The following JAK2 variants were observed in gnomAD, a reference collection of about 807,000 sequenced individuals.
JAK2 encodes the protein Janus kinase 2.
A neutral mutation model predicts 139.3 loss-of-function variants in JAK2; 86 were observed. The observed-to-expected ratio is 0.62, with a 90% CI of 0.52 to 0.74. JAK2 has a LOEUF of 0.74. Among genes scored for constraint, JAK2 ranks in the 30% least tolerant of loss-of-function variants. The pLI is 0.00. For synonymous variants in JAK2, 490 were observed against 437.7 expected (o/e 1.12, Z -1.49); for missense variants, 1,421 against 1,360.3 (o/e 1.04, Z -0.70).
At chr9:4,984,866 G>GC (rs1440925922), upstream of JAK2, 1 of 152,300 alleles carries the variant, frequency 6.6e-6, no homozygotes, top group Non-Finnish European at 1.5e-5. Context: ...CTCCAGCCGG[G>GC]CACCAGCGTT....
chr9:5,039,306 C>A (rs925066480), intron 4 of JAK2, among the ~76,000 whole-genome samples: 21 of 152,250 alleles, frequency 1.4e-4, no homozygotes, highest in African/African-American at 4.6e-4. Flanking sequence ...TGTGCTTACA[C>A]TGAACATGTA....
intron 2 of JAK2, among the ~76,000 whole-genome samples, chr9:5,018,974 A>G (rs903016563): frequency 6.6e-6 from 1 of 152,004 alleles, no homozygotes; most frequent in African/African-American, 2.4e-5. Flanking sequence ...GTTGTCTCTG[A>G]CAACAGTTCT....
intron 2 of JAK2, among the ~76,000 whole-genome samples, chr9:4,999,051 T>G (rs1424278390): frequency 1.3e-5 from 2 of 152,020 alleles, no homozygotes; most frequent in African/African-American, 4.8e-5. Flanking sequence ...GGTCTCGATC[T>G]CCTGACCTTG....
chr9:5,095,123 A>G (rs754010835), intron 22 of JAK2: 1 of 152,044 alleles, frequency 6.6e-6, no homozygotes, highest in African/African-American at 2.4e-5. Flanking sequence ...TGAGACTCCA[A>G]AATTCTCCAT....
intron 2 of JAK2, among the ~76,000 whole-genome samples, chr9:5,001,944 G>A (rs918579724): frequency 6.6e-6 from 1 of 151,838 alleles, no homozygotes; most frequent in Non-Finnish European, 1.5e-5. Context: ...AATCTAACTT[G>A]TTAAAGTCAT....
chr9:5,128,078 TTTTGTGTGTG>T lies in JAK2; in HGVS notation c.*1289_*1298del, dbSNP rs1824115545. The T allele has an allele frequency of 1.7e-5, 3 of 172,000 alleles. No homozygotes were observed. The highest frequency in any genetic ancestry group is 2.1e-5 in the Non-Finnish European group (2 of 95,596). The allele number at this position is 172,000 out of a possible 1,614,324, so 10.7% of individuals were successfully genotyped here. On this transcript the variant is annotated 3_prime_UTR_variant, in exon 25 of 25. Coordinates refer to ENST00000381652, the MANE Select transcript of JAK2 (RefSeq NM_004972.4). Reference sequence around the variant, plus strand: ...CATAGCTAAAATAAAATATGGTGGGTTTTGTGTGTGTGTGTGTGTGTGTGTGTGTGTGTGT... The same window carrying T: ...CATAGCTAAAATAAAATATGGTGGGTTGTGTGTGTGTGTGTGTGTGTGTGT...
chr9:4,991,869 A>G (rs566647480), intron 2 of JAK2, among the ~76,000 whole-genome samples: 44 of 152,186 alleles, frequency 2.9e-4, no homozygotes, highest in African/African-American at 1.1e-3. Context: ...CTTTACCATT[A>G]TATTTCTCTC....
intron 7 of JAK2, 142 bp downstream of exon 7, chr9:5,055,026 C>A: frequency 1.9e-6 from 1 of 530,206 alleles, no homozygotes; most frequent in Non-Finnish European, 3.2e-6. Flanking sequence ...GTGAACCTAT[C>A]AAGGTCATAT....
At chr9:5,115,244 G>A (rs968220080) in intron 22 of JAK2, among the ~76,000 whole-genome samples, 1 of 152,158 alleles carries the variant, frequency 6.6e-6, no homozygotes, top group East Asian at 1.9e-4. Context: ...TCAAAAAGTG[G>A]GTAAAGGATA....
intron 22 of JAK2, chr9:5,114,778 A>G (rs879047837): frequency 1.2e-5 from 4 of 320,182 alleles, no homozygotes; most frequent in South Asian, 1.1e-4. Flanking sequence ...CAGACCGTCA[A>G]GTAACTGTTG....
intron 4 of JAK2, among the ~76,000 whole-genome samples, 182 bp downstream of exon 4, chr9:5,030,088 G>T (rs950121677): frequency 6.6e-6 from 1 of 152,122 alleles, no homozygotes; most frequent in Non-Finnish European, 1.5e-5. Flanking sequence ...TATACATGTT[G>T]TGTAAGTAGA....
chr9:4,998,783 C>T (rs1341515649), intron 2 of JAK2, among the ~76,000 whole-genome samples: 1 of 151,738 alleles, frequency 6.6e-6, no homozygotes, highest in African/African-American at 2.4e-5. Context: ...AAAAGGGATA[C>T]ATTTTGCAGA....
At chr9:5,090,635 C>A (rs752460719) in intron 21 of JAK2, 65 bp downstream of exon 21, 23 of 1,523,802 alleles carry the variant, frequency 1.5e-5, no homozygotes, top group Admixed American at 1.3e-4. Flanking sequence ...ATTAGGAAAT[C>A]ATCTAGACGT....
chr9:4,987,509 G>T (rs1489939255), intron 2 of JAK2, among the ~76,000 whole-genome samples: 1 of 152,134 alleles, frequency 6.6e-6, no homozygotes, highest in African/African-American at 2.4e-5. Flanking sequence ...GCTGAGGAAG[G>T]AGGATCACTT....
At chr9:5,045,590 C>G (rs7046366) in intron 5 of JAK2, among the ~76,000 whole-genome samples, 13,864 of 152,088 alleles carry the variant, frequency 0.091, 1,898 homozygotes, top group African/African-American at 0.3. Context: ...CTCCCAATGG[C>G]CTTTTGCAAT....
chr9:5,004,919 T>A (rs944270487), intron 2 of JAK2, among the ~76,000 whole-genome samples: 6 of 114,242 alleles, frequency 5.3e-5, no homozygotes, highest in Middle Eastern at 4.0e-3. Context: ...ACATATTGTC[T>A]TTTTTTTTTT....
In JAK2 at chr9:5,079,536, A is replaced by C. The variant is rs766563547; in HGVS notation, c.2132-693A>C. On this transcript the variant is annotated intron_variant, in intron 16 of 24. Coordinates refer to ENST00000381652, the MANE Select transcript of JAK2 (RefSeq NM_004972.4). ...TCTGCAAGTGGGAATTGCCATGGCT[A>C]TTAAATCATTAGAACATCTCTGAAT... Among the ~76,000 whole-genome samples, 5 of 151,858 alleles carry C rather than the reference A, an allele frequency of 3.3e-5. No homozygotes were observed. The East Asian group carries it at 9.7e-4, about 29-fold the overall frequency.
At chr9:5,034,275 T>C (rs11506660) in intron 4 of JAK2, among the ~76,000 whole-genome samples, 36,096 of 151,620 alleles carry the variant, frequency 0.24, 4,643 homozygotes, top group South Asian at 0.31. Flanking sequence ...GACTTAGACT[T>C]CCACACAATA....
chr9:5,044,317 C>T (rs1017606784), intron 4 of JAK2, 86 bp from the exon 5 acceptor site: 5 of 793,388 alleles, frequency 6.3e-6, no homozygotes, highest in East Asian at 2.5e-5. Flanking sequence ...TAATACCTTT[C>T]AGTATGCTGT....
Sources: gnomAD v4.1 joint callset for allele counts (sites outside exome capture counted in the v4.1 genomes callset) on GRCh38, gnomAD v4.1.1 for gene constraint, MANE v1.5 for transcripts, NCBI Gene and HGNC (gene_info 2026-07-23, HGNC 2026-07-21) for gene names.